PBX3: variants seen among roughly 807,000 people sequenced by gnomAD.
PBX3 encodes pre-B-cell leukemia transcription factor 3.
Under a neutral mutation model 48.5 loss-of-function variants are expected in PBX3, and 14 were observed. The observed-to-expected ratio is 0.29, with a 90% CI of 0.19 to 0.45. The LOEUF is 0.45. PBX3 is among the 20% of genes least tolerant of loss of function. The pLI, the probability that PBX3 is intolerant of heterozygous loss-of-function variation, is 1.00. For missense variants in PBX3, 386 were observed against 546.7 expected (o/e 0.71, Z 2.93); for synonymous variants, 210 against 200.3 (o/e 1.05, Z -0.41).
chr9:125,845,372 C>CA lies in PBX3; in HGVS notation c.275-70308dup, dbSNP rs574116626. ...ACGCTTTGAAAAAATTACGCTAAAA[C>CA]AAAAAATATGACCTTTAAAAGCATG... is the stretch of plus-strand genomic sequence containing the variant. On this transcript the variant is annotated intron_variant, in intron 2 of 8. Coordinates refer to ENST00000373489, the MANE Select transcript of PBX3 (RefSeq NM_006195.6). 1.3e-4 allele frequency among the ~76,000 whole-genome samples: 20 copies of CA among 152,094 alleles called. No individual in the cohort carries two copies. In the East Asian group the frequency reaches 3.7e-3, roughly 28 times the overall value.
chr9:125,896,622 T>C (rs1045663520), intron 2 of PBX3, among the ~76,000 whole-genome samples: 1 of 152,084 alleles, frequency 6.6e-6, no homozygotes, highest in African/African-American at 2.4e-5. Context: ...CTCAACTGTA[T>C]ATAAGTAATC....
intron 2 of PBX3, among the ~76,000 whole-genome samples, chr9:125,862,410 C>T (rs113600871): frequency 0.026 from 3,890 of 152,094 alleles, 62 homozygotes; most frequent in Middle Eastern, 0.051. Context: ...TTGTTTGAGA[C>T]GGAGTTTCAC....
At chr9:125,939,752 A>C (rs1841918388) in intron 5 of PBX3, among the ~76,000 whole-genome samples, 1 of 152,236 alleles carries the variant, frequency 6.6e-6, no homozygotes, top group Non-Finnish European at 1.5e-5. Context: ...ATGGAAAAAG[A>C]ATGATCTACA....
chr9:125,816,131 C>T (rs998752599), intron 2 of PBX3, among the ~76,000 whole-genome samples: 2 of 151,960 alleles, frequency 1.3e-5, no homozygotes, highest in South Asian at 2.1e-4. Context: ...CAGCCTCAGG[C>T]GAGGACCACC....
chr9:125,959,386 G>A (rs1016830503), intron 5 of PBX3, among the ~76,000 whole-genome samples: 1 of 152,360 alleles, frequency 6.6e-6, no homozygotes, highest in Non-Finnish European at 1.5e-5. Context: ...GCCTGCATGT[G>A]TATATGTGCA....
intron 5 of PBX3, among the ~76,000 whole-genome samples, chr9:125,951,213 A>T (rs1842187927): frequency 6.6e-6 from 1 of 152,178 alleles, no homozygotes; most frequent in South Asian, 2.1e-4. Context: ...GTTTCCTGCA[A>T]ATTCTAGGTC....
intron 2 of PBX3, among the ~76,000 whole-genome samples, chr9:125,869,581 C>G (rs1256479618): frequency 6.6e-6 from 1 of 152,062 alleles, no homozygotes; most frequent in Admixed American, 6.5e-5. Context: ...GCAATATGAG[C>G]TAGAATCAAT....
chr9:125,842,711 T>C (rs1326006801), intron 2 of PBX3, among the ~76,000 whole-genome samples: 1 of 152,164 alleles, frequency 6.6e-6, no homozygotes, highest in African/African-American at 2.4e-5. Flanking sequence ...GCAACTGCTG[T>C]TTGAAGGATT....
At chr9:125,780,213 G>T (rs866427767) in intron 2 of PBX3, among the ~76,000 whole-genome samples, 4 of 129,696 alleles carry the variant, frequency 3.1e-5, no homozygotes, top group African/African-American at 1.2e-4. Context: ...CCTCCCTCCC[G>T]GACGGGTCGG....
chr9:125,788,691 A>G (rs899414465), intron 2 of PBX3, among the ~76,000 whole-genome samples: 1 of 152,048 alleles, frequency 6.6e-6, no homozygotes, highest in Admixed American at 6.6e-5. Flanking sequence ...TGGGTAACAC[A>G]GTGAAACCCC....
intron 3 of PBX3, among the ~76,000 whole-genome samples, chr9:125,925,314 C>G (rs1841549986): frequency 6.6e-6 from 1 of 152,158 alleles, no homozygotes; most frequent in Non-Finnish European, 1.5e-5. Context: ...CCACTAGCCA[C>G]TTGTATCTAA....
At chr9:125,921,280 G>A (rs2132485297) in intron 3 of PBX3, among the ~76,000 whole-genome samples, 1 of 152,078 alleles carries the variant, frequency 6.6e-6, no homozygotes, top group South Asian at 2.1e-4. Context: ...ATGACCACAA[G>A]CTCGATTAAT....
At chr9:125,822,616 C>A (rs1436503346) in intron 2 of PBX3, among the ~76,000 whole-genome samples, 2 of 152,122 alleles carry the variant, frequency 1.3e-5, no homozygotes, top group Admixed American at 6.5e-5. Context: ...TCAGACTACA[C>A]TATTTTTATA....
chr9:125,963,463 A>G (rs891577045), intron 8 of PBX3, among the ~76,000 whole-genome samples: 1 of 152,242 alleles, frequency 6.6e-6, no homozygotes, highest in Admixed American at 6.5e-5. Flanking sequence ...TGAAGGTGGT[A>G]AGTTTGGAGA....
chr9:125,865,093 A>G (rs1839949339), intron 2 of PBX3, among the ~76,000 whole-genome samples: 2 of 152,248 alleles, frequency 1.3e-5, no homozygotes, highest in African/African-American at 4.8e-5. Context: ...AAGCTGGGTA[A>G]CTTGTGGCCA....
chr9:125,798,866 T>C (rs1247930081), intron 2 of PBX3, among the ~76,000 whole-genome samples: 2 of 151,430 alleles, frequency 1.3e-5, no homozygotes, highest in African/African-American at 2.4e-5. Context: ...CAAAAAACAG[T>C]CCCCAGTTTG....
rs1295970754 is a variant in PBX3, at chr9:125,963,126, TAGG to T, written c.1212+28_1212+30del. ...TGTGAGTACTCTGGGGAGTCAGCTGTAGGAGAACAGTGTCAGGTAAACAGTGAC... is the reference window on the plus strand; with the variant it reads ...TGTGAGTACTCTGGGGAGTCAGCTGTAGAACAGTGTCAGGTAAACAGTGAC... On this transcript the variant is annotated intron_variant, in intron 8 of 8. Coordinates refer to ENST00000373489, the MANE Select transcript of PBX3 (RefSeq NM_006195.6). 2.6e-5 allele frequency: 34 copies of T among 1,309,042 alleles called. No homozygotes were observed. In the East Asian group the frequency reaches 7.7e-4, roughly 30 times the overall value. The allele number at this position is 1,309,042 out of a possible 1,614,324, so 81.1% of individuals were successfully genotyped here.
At chr9:125,899,324 T>C (rs1840868674) in intron 2 of PBX3, among the ~76,000 whole-genome samples, 1 of 108,144 alleles carries the variant, frequency 9.2e-6, no homozygotes, top group South Asian at 2.4e-4. Context: ...TATATTTTTA[T>C]ATAAATATAT....
intron 2 of PBX3, among the ~76,000 whole-genome samples, chr9:125,860,210 A>C (rs957438742): frequency 3.9e-5 from 6 of 152,198 alleles, no homozygotes; most frequent in Non-Finnish European, 8.8e-5. Context: ...CCCATAAGTA[A>C]AGCAACTTCT....
Sources: gnomAD v4.1 joint callset for allele counts (sites outside exome capture counted in the v4.1 genomes callset) on GRCh38, gnomAD v4.1.1 for gene constraint, MANE v1.5 for transcripts, NCBI Gene and HGNC (gene_info 2026-07-23, HGNC 2026-07-21) for gene names.